Variants in RPS6KA2 observed in about 807,000 individuals in gnomAD.
RPS6KA2 encodes the protein ribosomal protein S6 kinase A2.
Under a neutral mutation model 91.8 loss-of-function variants are expected in RPS6KA2, and 42 were observed. That is an observed-to-expected ratio of 0.46 (90% CI 0.36 to 0.59). RPS6KA2 has a LOEUF of 0.59. Ranked by LOEUF, RPS6KA2 falls within the 20% of genes least tolerant of loss-of-function variation. The pLI is 0.00. For synonymous variants in RPS6KA2, 414 were observed against 393.6 expected (o/e 1.05, Z -0.61); for missense variants, 798 against 978.5 (o/e 0.82, Z 2.46).
chr6:166,473,474 G>C (rs1780846743), intron 10 of RPS6KA2, among the ~76,000 whole-genome samples: 1 of 152,188 alleles, frequency 6.6e-6, no homozygotes, highest in Non-Finnish European at 1.5e-5. Flanking sequence ...TTATAGGCAG[G>C]AGCCACTGCA....
chr6:166,483,828 A>C (rs1263109256), intron 10 of RPS6KA2, among the ~76,000 whole-genome samples: 1 of 152,258 alleles, frequency 6.6e-6, no homozygotes, highest in Non-Finnish European at 1.5e-5. Flanking sequence ...ACAGAGCCTC[A>C]CTCAAACAGA....
chr6:166,790,425 T>C (rs955512537), intron 2 of RPS6KA2, among the ~76,000 whole-genome samples: 2 of 152,270 alleles, frequency 1.3e-5, no homozygotes, highest in East Asian at 1.9e-4. Context: ...TGGAACCAAG[T>C]TGGAAAACAC....
At position 166,662,515 on chromosome 6, in the gene RPS6KA2, C is replaced by T. The variant is rs572113572; in HGVS notation, c.124-123731G>A. ...GTGCAGTTTTATGTTTGGAAAGAGT[C>T]TCTTAGCATTATGAGGGTTATTTAT... On this transcript the variant is annotated intron_variant, in intron 2 of 21. Transcript: ENST00000503859. This position sits in a 1 kb window ranked among gnomAD's most constrained non-coding sequence, Gnocchi z 4.3. 2.4e-4 allele frequency among the ~76,000 whole-genome samples: 36 copies of T among 152,246 alleles called. No individual in the cohort carries two copies. Among genetic ancestry groups the T allele is most frequent in the Non-Finnish European group, 4.3e-4 (29 of 68,016 alleles).
chr6:166,828,408 C>T (rs1017994251), intron 2 of RPS6KA2, among the ~76,000 whole-genome samples: 20 of 152,244 alleles, frequency 1.3e-4, no homozygotes, highest in Non-Finnish European at 2.8e-4. Context: ...TGACAAACCA[C>T]GTTGGGCTCA....
At chr6:166,687,378 A>C (rs1224589957) in intron 2 of RPS6KA2, among the ~76,000 whole-genome samples, 1 of 152,208 alleles carries the variant, frequency 6.6e-6, no homozygotes, top group Admixed American at 6.5e-5. Flanking sequence ...CTGAGTGTCC[A>C]TGGTGCTGTG....
At chr6:166,657,585 T>C (rs1424036193) in intron 2 of RPS6KA2, among the ~76,000 whole-genome samples, 2 of 152,062 alleles carry the variant, frequency 1.3e-5, no homozygotes, top group Admixed American at 6.5e-5. Context: ...ATGGTTAATT[T>C]AGGAAGTTGT....
rs1174510004 is a variant in RPS6KA2 at position 166,648,149 on chromosome 6, T to A, written c.124-109365A>T. Among the ~76,000 whole-genome samples, 1 of 115,296 alleles carries A rather than the reference T, an allele frequency of 8.7e-6. No homozygotes were observed. Among genetic ancestry groups the A allele is most frequent in the Non-Finnish European group, 1.7e-5 (1 of 57,228 alleles). 75.6% of individuals were successfully genotyped at this position (115,296 alleles called of 152,430 possible). On this transcript the variant is annotated intron_variant, in intron 2 of 21. Coordinates refer to the RPS6KA2 transcript ENST00000503859. This position sits in a 1 kb window ranked among gnomAD's most constrained non-coding sequence, Gnocchi z 4.8. ...ATACACATACATGCACACACGCACA[T>A]GGTTACACACCCATGCACACATGCT...
At chr6:166,510,417 T>C in intron 3 of RPS6KA2, 60 bp from the exon 4 acceptor site, 1 of 1,113,368 alleles carries the variant, frequency 9.0e-7, no homozygotes, top group Non-Finnish European at 1.3e-6. Flanking sequence ...TGAGGAACAC[T>C]GAACATGAAA....
At chr6:166,615,058 G>C (rs1786353539) in intron 1 of RPS6KA2, among the ~76,000 whole-genome samples, 1 of 152,134 alleles carries the variant, frequency 6.6e-6, no homozygotes, top group Non-Finnish European at 1.5e-5. Flanking sequence ...GTCAGGGCTG[G>C]ATGTGGGGCT....
intron 2 of RPS6KA2, among the ~76,000 whole-genome samples, chr6:166,789,227 G>A (rs1212733882): frequency 2.0e-5 from 3 of 152,202 alleles, no homozygotes; most frequent in South Asian, 2.1e-4. Flanking sequence ...CACCTGGCTC[G>A]GAGGGTCCTA....
In RPS6KA2 at chr6:166,508,663, G is replaced by A. The variant is rs993351206; in HGVS notation, c.380-381C>T. On this transcript the variant is annotated intron_variant, in intron 4 of 20. Coordinates refer to ENST00000265678, the MANE Select transcript of RPS6KA2 (RefSeq NM_021135.6). This position sits in a 1 kb window ranked among gnomAD's most constrained non-coding sequence, Gnocchi z 4.3. ...AGCAGCCTGAAGATGGCTCTGGTGGGTTTGGAGGACATGTCCTTTCCGTCC... is the reference window on the plus strand; with the variant it reads ...AGCAGCCTGAAGATGGCTCTGGTGGATTTGGAGGACATGTCCTTTCCGTCC... 1.3e-5 allele frequency among the ~76,000 whole-genome samples: 2 copies of A among 152,220 alleles called. No individual in the cohort carries two copies. The highest frequency in any genetic ancestry group is 4.8e-5 in the African/African-American group (2 of 41,448).
rs563348395 is a variant in RPS6KA2, at chr6:166,440,973, C to A, written c.1332+7751G>T. Among the ~76,000 whole-genome samples the A allele has an allele frequency of 2.6e-5, 4 of 152,182 alleles. No individual in the cohort carries two copies. The South Asian group carries it at 8.3e-4, about 31-fold the overall frequency. ...ATGCCCAACCAATTCCACTGAGGAG[C>A]TTCTTTGATTAGAGAATGCCTGTGC... On this transcript the variant is annotated intron_variant, in intron 14 of 20. Coordinates refer to ENST00000265678, the MANE Select transcript of RPS6KA2 (RefSeq NM_021135.6).
chr6:166,424,277 C>G (rs887704081), intron 16 of RPS6KA2, among the ~76,000 whole-genome samples: 1 of 152,100 alleles, frequency 6.6e-6, no homozygotes, highest in Non-Finnish European at 1.5e-5. Context: ...CAGAAAACAT[C>G]ATCCAAAGGG....
intron 2 of RPS6KA2, among the ~76,000 whole-genome samples, chr6:166,656,271 T>G (rs1430250027): frequency 6.6e-6 from 1 of 150,898 alleles, no homozygotes; most frequent in African/African-American, 2.4e-5. Flanking sequence ...TGAGAGGAGA[T>G]GAAAGGGAGG....
chr6:166,427,428 C>T (rs1425821482), intron 16 of RPS6KA2, among the ~76,000 whole-genome samples: 4 of 152,082 alleles, frequency 2.6e-5, no homozygotes, highest in Non-Finnish European at 5.9e-5. Context: ...TCCTATTCAA[C>T]ATAGTGTTGG....
At position 166,423,209 on chromosome 6, in the gene RPS6KA2, G is replaced by A. The variant is rs373919661; in HGVS notation, c.1743+47C>T. The A allele has an allele frequency of 1.9e-6, 3 of 1,566,098 alleles. No homozygotes were observed. The highest frequency in any genetic ancestry group is 1.7e-5 in the Admixed American group (1 of 58,176). On this transcript the variant is annotated intron_variant, in intron 17 of 20. Coordinates refer to ENST00000265678, the MANE Select transcript of RPS6KA2 (RefSeq NM_021135.6). This position sits in a 1 kb window ranked among gnomAD's most constrained non-coding sequence, Gnocchi z 4.8. ...TCTGCAGTGGGAGGGGGCAGAGCCT[G>A]TCTTTGCGGATAGAGAGGCCTGGGT...
rs138444243 is a variant in RPS6KA2 at position 166,466,504 on chromosome 6, C to A, written c.972+3337G>T. ...CTGGGGGTTCGGTGTGAAGAGACTT[C>A]TCTTTCCTACCAGCTGCAGCCCTCA... is the stretch of plus-strand genomic sequence containing the variant. On this transcript the variant is annotated intron_variant, in intron 11 of 20. Coordinates refer to ENST00000265678, the MANE Select transcript of RPS6KA2 (RefSeq NM_021135.6). 1.9e-4 allele frequency among the ~76,000 whole-genome samples: 29 copies of A among 152,340 alleles called. 1 individual carries two copies. In the East Asian group the frequency reaches 5.6e-3, roughly 29 times the overall value.
rs1786210335 is a variant in RPS6KA2, at chr6:166,612,291, A to G, written c.99+14630T>C. Among the ~76,000 whole-genome samples the G allele has an allele frequency of 6.6e-6, 1 of 151,938 alleles. No homozygotes were observed. The highest frequency in any genetic ancestry group is 1.5e-5 in the Non-Finnish European group (1 of 67,972). On this transcript the variant is annotated intron_variant, in intron 1 of 20. Coordinates refer to ENST00000265678, the MANE Select transcript of RPS6KA2 (RefSeq NM_021135.6). The surrounding 1 kb of genome is among the most constrained non-coding windows in gnomAD (Gnocchi z 4.3). ...GTGATGTGGGCAGGTGTGATGGAAG[A>G]AAAGAGACTGGGACTTGTCCTTTCT...
intron 2 of RPS6KA2, among the ~76,000 whole-genome samples, chr6:166,714,479 C>G (rs919463093): frequency 2.0e-5 from 3 of 152,170 alleles, no homozygotes; most frequent in Admixed American, 1.3e-4. Context: ...GTGATGTGAC[C>G]TCATCTGGAA....
Sources: gnomAD v4.1 joint callset for allele counts (sites outside exome capture counted in the v4.1 genomes callset) on GRCh38, gnomAD v4.1.1 for gene constraint, Gnocchi (gnomAD v3.1) non-coding constraint, MANE v1.5 for transcripts, NCBI Gene and HGNC (gene_info 2026-07-23, HGNC 2026-07-21) for gene names.